SIPA1L2: variants seen among roughly 807,000 people sequenced by gnomAD.
The protein encoded by SIPA1L2 is signal induced proliferation associated 1 like 2, also known as signal-induced proliferation-associated 1-like protein 2.
Under a neutral mutation model 163.9 loss-of-function variants are expected in SIPA1L2, and 56 were observed. That is an observed-to-expected ratio of 0.34 (90% CI 0.28 to 0.43). The LOEUF is 0.43. SIPA1L2 is among the 20% of genes least tolerant of loss of function. The pLI is 1.00. For missense variants in SIPA1L2, 1,974 were observed against 2,193.5 expected (o/e 0.90, Z 2.00); for synonymous variants, 877 against 865.7 (o/e 1.01, Z -0.23).
chr1:232,527,030 C>T (rs1214035463), intron 2 of SIPA1L2, among the ~76,000 whole-genome samples: 2 of 152,122 alleles, frequency 1.3e-5, no homozygotes, highest in Non-Finnish European at 2.9e-5. Context: ...GAACTGTCAC[C>T]AAAATAAAGC....
rs1663236730 is a variant in SIPA1L2, at chr1:232,446,690, TTCTC to T, written c.3096-908_3096-905del. Reference sequence around the variant, plus strand: ...GGTGGATTCTAAGGTTTCTCTCTCTTTCTCTGTCTGTAGTTCCTCCTTATTACAA... The same window carrying T: ...GGTGGATTCTAAGGTTTCTCTCTCTTTGTCTGTAGTTCCTCCTTATTACAA... On this transcript the variant is annotated intron_variant, in intron 10 of 22. Coordinates refer to ENST00000674635, the MANE Select transcript of SIPA1L2 (RefSeq NM_020808.5). Among the ~76,000 whole-genome samples the T allele has an allele frequency of 2.0e-5, 3 of 152,346 alleles. 1 individual carries two copies. The South Asian group carries it at 6.2e-4, about 32-fold the overall frequency.
At chr1:232,595,082 C>T (rs988762733) in intron 1 of SIPA1L2, among the ~76,000 whole-genome samples, 1 of 152,200 alleles carries the variant, frequency 6.6e-6, no homozygotes, top group Non-Finnish European at 1.5e-5. Flanking sequence ...AGCTACACAA[C>T]CGTGGCTAGC....
intron 1 of SIPA1L2, among the ~76,000 whole-genome samples, chr1:232,589,255 A>G (rs1573133080): frequency 6.6e-6 from 1 of 152,248 alleles, no homozygotes; most frequent in African/African-American, 2.4e-5. Context: ...GACAATGATT[A>G]AACTATTTAA....
chr1:232,626,230 C>CTTTTTTTTTTT (rs56703620), intron 1 of SIPA1L2, among the ~76,000 whole-genome samples: 2 of 133,712 alleles, frequency 1.5e-5, no homozygotes, highest in African/African-American at 2.8e-5. Context: ...CTAATATTTG[C>CTTTTTTTTTTT]TTTTTTTTTT....
intron 5 of SIPA1L2, among the ~76,000 whole-genome samples, chr1:232,488,170 C>A (rs574145320): frequency 6.4e-4 from 98 of 152,274 alleles, no homozygotes; most frequent in Middle Eastern, 6.8e-3. Flanking sequence ...CCAGGCTGGT[C>A]TTGAACTCTT....
intron 1 of SIPA1L2, among the ~76,000 whole-genome samples, chr1:232,597,559 G>A (rs1203306058): frequency 5.3e-5 from 8 of 151,198 alleles, no homozygotes; most frequent in East Asian, 1.9e-4. Flanking sequence ...GCGTGATGGC[G>A]GGCGTCTGTA....
intron 3 of SIPA1L2, among the ~76,000 whole-genome samples, chr1:232,506,847 A>G (rs983868233): frequency 6.6e-6 from 1 of 152,218 alleles, no homozygotes; most frequent in Non-Finnish European, 1.5e-5. Context: ...AAAGAAATAG[A>G]TCATAATTTT....
intron 10 of SIPA1L2, among the ~76,000 whole-genome samples, chr1:232,447,773 C>T (rs1663303545): frequency 6.6e-6 from 1 of 152,204 alleles, no homozygotes; most frequent in South Asian, 2.1e-4. Context: ...TAGGACAGAA[C>T]TGATCGAACC....
chr1:232,411,667 TAC>T (rs1660964644), intron 19 of SIPA1L2, among the ~76,000 whole-genome samples: 1 of 151,868 alleles, frequency 6.6e-6, no homozygotes, highest in Non-Finnish European at 1.5e-5. Flanking sequence ...TCTTTTTAAG[TAC>T]AGTTAAGTTA....
At chr1:232,546,473 C>T (rs375494626) in intron 2 of SIPA1L2, among the ~76,000 whole-genome samples, 5 of 152,166 alleles carry the variant, frequency 3.3e-5, no homozygotes, top group East Asian at 1.9e-4. Context: ...ACTGCCCAGC[C>T]GGGCAACCAA....
chr1:232,599,962 A>G (rs534898134), intron 1 of SIPA1L2, among the ~76,000 whole-genome samples: 1 of 152,376 alleles, frequency 6.6e-6, no homozygotes, highest in South Asian at 2.1e-4. Flanking sequence ...TTAGCAACTA[A>G]TTTACGAAGG....
chr1:232,436,577 TG>T (rs1400076362), intron 15 of SIPA1L2, among the ~76,000 whole-genome samples: 1 of 152,170 alleles, frequency 6.6e-6, no homozygotes, highest in African/African-American at 2.4e-5. Flanking sequence ...CTGCCTGAAC[TG>T]GGACAGGAGA....
intron 2 of SIPA1L2, among the ~76,000 whole-genome samples, chr1:232,536,905 A>C (rs1191501468): frequency 1.3e-5 from 2 of 152,144 alleles, no homozygotes; most frequent in Non-Finnish European, 2.9e-5. Flanking sequence ...ATGTGCTTTA[A>C]TTTGGAACTA....
chr1:232,410,512 C>T (rs1660886566), intron 19 of SIPA1L2, among the ~76,000 whole-genome samples: 1 of 151,740 alleles, frequency 6.6e-6, no homozygotes, highest in Admixed American at 6.6e-5. Flanking sequence ...GGAAAGAATC[C>T]TATCATGCAA....
intron 10 of SIPA1L2, among the ~76,000 whole-genome samples, chr1:232,447,159 A>AT (rs2102877547): frequency 6.6e-6 from 1 of 152,350 alleles, no homozygotes; most frequent in Non-Finnish European, 1.5e-5. Context: ...ATCATTTAAC[A>AT]TTTTTTAGAT....
At chr1:232,586,868 CAG>C (rs1383900299) in intron 1 of SIPA1L2, among the ~76,000 whole-genome samples, 3 of 152,194 alleles carry the variant, frequency 2.0e-5, no homozygotes, top group African/African-American at 7.2e-5. Flanking sequence ...CATTCCCAAT[CAG>C]GGGAAAGAAC....
chr1:232,565,518 G>A (rs1558272303), intron 2 of SIPA1L2, among the ~76,000 whole-genome samples: 1 of 152,164 alleles, frequency 6.6e-6, no homozygotes, highest in South Asian at 2.1e-4. Context: ...ACAGCAAGAG[G>A]AGCTGCTTTA....
chr1:232,433,381 G>A (rs1404063883), intron 15 of SIPA1L2, among the ~76,000 whole-genome samples: 1 of 152,142 alleles, frequency 6.6e-6, no homozygotes, highest in African/African-American at 2.4e-5. Flanking sequence ...AAAATGAGGG[G>A]ATGATTATCA....
intron 1 of SIPA1L2, among the ~76,000 whole-genome samples, chr1:232,615,514 T>C (rs955560450): frequency 6.6e-6 from 1 of 152,176 alleles, no homozygotes; most frequent in Non-Finnish European, 1.5e-5. Context: ...CAGAGGGCCC[T>C]GCAGTCATTC....
Sources: gnomAD v4.1 joint callset for allele counts (sites outside exome capture counted in the v4.1 genomes callset) on GRCh38, gnomAD v4.1.1 for gene constraint, MANE v1.5 for transcripts, NCBI Gene and HGNC (gene_info 2026-07-23, HGNC 2026-07-21) for gene names.